The following PCDH15 variants were observed in gnomAD, a reference collection of about 807,000 sequenced individuals.
The protein encoded by PCDH15 is protocadherin related 15.
Under a neutral mutation model 178.5 loss-of-function variants are expected in PCDH15, and 129 were observed. The observed-to-expected ratio is 0.72, with a 90% CI of 0.63 to 0.84. The LOEUF (loss-of-function observed/expected upper bound fraction) is 0.84, where lower values mean the gene tolerates loss of function less well. Among genes scored for constraint, PCDH15 ranks in the 40% least tolerant of loss-of-function variants. The pLI is 0.00. For missense variants in PCDH15, 2,230 were observed against 2,099.9 expected (o/e 1.06, Z -1.21); for synonymous variants, 800 against 732.0 (o/e 1.09, Z -1.50).
At position 55,007,778 on chromosome 10, in the gene PCDH15, A is replaced by G. The variant is rs909658167; in HGVS notation, c.-79-110278T>C. On this transcript the variant is annotated intron_variant, in intron 2 of 5. Coordinates refer to the PCDH15 transcript ENST00000458638. ...ATCTGACAAATCTAAATTATAATACATTCTAAAAGACAGTCAACGCTTCTT... is the reference window on the plus strand; with the variant it reads ...ATCTGACAAATCTAAATTATAATACGTTCTAAAAGACAGTCAACGCTTCTT... 2.6e-5 allele frequency among the ~76,000 whole-genome samples: 4 copies of G among 152,148 alleles called. No homozygotes were observed. In the South Asian group the frequency reaches 8.3e-4, roughly 32 times the overall value.
At chr10:53,995,105 C>G (rs1215999559) in intron 21 of PCDH15, 3 of 154,980 alleles carry the variant, frequency 1.9e-5, no homozygotes, top group African/African-American at 4.8e-5. Flanking sequence ...TTTTATCACT[C>G]TCACTATAAT....
At chr10:55,520,118 T>C (rs1390093721) in intron 2 of PCDH15, among the ~76,000 whole-genome samples, 106 of 131,652 alleles carry the variant, frequency 8.1e-4, no homozygotes, top group African/African-American at 2.8e-3. Flanking sequence ...GCAATGTGTA[T>C]ATATATATAC....
At chr10:54,654,276 T>C (rs2094327990) in intron 2 of PCDH15, among the ~76,000 whole-genome samples, 2 of 152,130 alleles carry the variant, frequency 1.3e-5, no homozygotes, top group Non-Finnish European at 2.9e-5. Flanking sequence ...ATATACAAAA[T>C]GTGTTTATTA....
intron 2 of PCDH15, among the ~76,000 whole-genome samples, chr10:55,544,139 CATATATATAT>C (rs1176456895): frequency 7.4e-5 from 4 of 54,322 alleles, no homozygotes; most frequent in Non-Finnish European, 1.4e-4. Flanking sequence ...CTTATACATA[CATATATATAT>C]ATATATATAT....
chr10:54,782,136 T>A (rs939612531), intron 1 of PCDH15, among the ~76,000 whole-genome samples: 1 of 152,156 alleles, frequency 6.6e-6, no homozygotes, highest in Non-Finnish European at 1.5e-5. Flanking sequence ...TTTAGTAACC[T>A]ACTGTGAAAA....
At chr10:53,870,761 A>C (rs1175505607) in intron 26 of PCDH15, among the ~76,000 whole-genome samples, 1 of 152,200 alleles carries the variant, frequency 6.6e-6, no homozygotes, top group Non-Finnish European at 1.5e-5. Context: ...CATATGCAAT[A>C]CCATCATACA....
intron 3 of PCDH15, among the ~76,000 whole-genome samples, chr10:54,516,967 A>G (rs1427783265): frequency 4.6e-5 from 7 of 152,030 alleles, no homozygotes; most frequent in African/African-American, 1.7e-4. Flanking sequence ...ACTAAGCTTC[A>G]TAAGTGAAGG....
chr10:54,257,538 T>A (rs1001534866), intron 8 of PCDH15, among the ~76,000 whole-genome samples: 11 of 151,984 alleles, frequency 7.2e-5, no homozygotes, highest in Non-Finnish European at 1.3e-4. Flanking sequence ...GAAATTTAAA[T>A]TGCTACTCTT....
At chr10:54,590,175 T>C (rs7071270) in intron 2 of PCDH15, among the ~76,000 whole-genome samples, 140,068 of 152,234 alleles carry the variant, frequency 0.92, 64,916 homozygotes, top group Middle Eastern at 0.98. Context: ...ATAAAACACT[T>C]TTATCTATGT....
chr10:55,166,154 C>T (rs1201856099), intron 2 of PCDH15, among the ~76,000 whole-genome samples: 3 of 152,078 alleles, frequency 2.0e-5, no homozygotes, highest in African/African-American at 7.2e-5. Flanking sequence ...CTATGGTTTT[C>T]TGAAACAACA....
chr10:54,259,291 C>A (rs2043994), intron 8 of PCDH15, among the ~76,000 whole-genome samples: 2 of 152,196 alleles, frequency 1.3e-5, no homozygotes, highest in African/African-American at 4.8e-5. Context: ...CATCTTCTAC[C>A]GGCCCCTGTC....
At chr10:54,873,416 C>T (rs920719854) in intron 3 of PCDH15, among the ~76,000 whole-genome samples, 12 of 150,906 alleles carry the variant, frequency 8.0e-5, no homozygotes, top group Middle Eastern at 3.5e-3. Context: ...ATATGTCCTC[C>T]GCAAATTACC....
At chr10:55,617,556 G>T (rs1843504416) in intron 2 of PCDH15, among the ~76,000 whole-genome samples, 1 of 151,954 alleles carries the variant, frequency 6.6e-6, no homozygotes, top group African/African-American at 2.4e-5. Context: ...GACATAACCA[G>T]ATAATTCCAT....
In PCDH15 at chr10:55,343,497, C is replaced by T. The variant is rs989122163; in HGVS notation, c.-155-176846G>A. The stretch of plus-strand genomic sequence containing the variant: ...TTTTCTCTGATCTATTATCTTTTCA[C>T]ATGTCACCTCTTCTTACCTTATTTA... On this transcript the variant is annotated intron_variant, in intron 2 of 5. Coordinates refer to the PCDH15 transcript ENST00000613346. 2.0e-5 allele frequency among the ~76,000 whole-genome samples: 3 copies of T among 152,000 alleles called. No individual in the cohort carries two copies. The South Asian group carries it at 6.2e-4, about 31-fold the overall frequency.
intron 8 of PCDH15, among the ~76,000 whole-genome samples, chr10:54,262,097 T>C (rs1053808508): frequency 5.3e-5 from 8 of 152,110 alleles, no homozygotes; most frequent in African/African-American, 1.9e-4. Flanking sequence ...CAGGAGTTTC[T>C]ACGACCCCCA....
At chr10:54,132,451 C>T (rs897879960) in intron 15 of PCDH15, among the ~76,000 whole-genome samples, 1 of 152,148 alleles carries the variant, frequency 6.6e-6, no homozygotes, top group Non-Finnish European at 1.5e-5. Context: ...ATTAGAATGC[C>T]TACCATCAGC....
At chr10:55,342,515 T>A (rs1844632052) in intron 2 of PCDH15, among the ~76,000 whole-genome samples, 1 of 152,056 alleles carries the variant, frequency 6.6e-6, no homozygotes, top group Admixed American at 6.6e-5. Context: ...TTGCTGTGTT[T>A]CCCAGGCTGG....
chr10:54,570,918 C>T (rs975263105), intron 2 of PCDH15, among the ~76,000 whole-genome samples: 15 of 151,624 alleles, frequency 9.9e-5, no homozygotes, highest in South Asian at 6.3e-4. Flanking sequence ...CACCTGCCTC[C>T]GCCTCCCAAA....
chr10:53,967,717 G>C (rs529991235), intron 21 of PCDH15, among the ~76,000 whole-genome samples: 37 of 151,984 alleles, frequency 2.4e-4, no homozygotes, highest in Non-Finnish European at 4.3e-4. Flanking sequence ...GTAAACTATA[G>C]AAAACATTTA....
Sources: gnomAD v4.1 joint callset for allele counts (sites outside exome capture counted in the v4.1 genomes callset) on GRCh38, gnomAD v4.1.1 for gene constraint, MANE v1.5 for transcripts, NCBI Gene and HGNC (gene_info 2026-07-23, HGNC 2026-07-21) for gene names.